The following HMCN1 variants were observed in gnomAD, a reference collection of about 807,000 sequenced individuals.
HMCN1 encodes the protein hemicentin-1.
HMCN1 carries 321 observed loss-of-function variants against 625.9 expected under a neutral mutation model. The ratio of observed to expected loss-of-function variants is 0.51; its 90% CI spans 0.47 to 0.56. HMCN1 has a LOEUF of 0.56. Among genes scored for constraint, HMCN1 ranks in the 20% least tolerant of loss-of-function variants. HMCN1 has a pLI of 0.00. For missense variants in HMCN1, 6,588 were observed against 6,887.3 expected (o/e 0.96, Z 1.54); for synonymous variants, 2,425 against 2,417.6 (o/e 1.00, Z -0.09).
intron 93 of HMCN1, 120 bp downstream of exon 93, chr1:186,146,043 A>G: frequency 9.8e-7 from 1 of 1,024,202 alleles, no homozygotes; most frequent in Non-Finnish European, 1.5e-6. Context: ...AAAAAAAAAA[A>G]GTGCTTTCTT....
chr1:185,913,457 G>A (rs1666536129), intron 6 of HMCN1, among the ~76,000 whole-genome samples: 1 of 152,180 alleles, frequency 6.6e-6, no homozygotes, highest in African/African-American at 2.4e-5. Flanking sequence ...GGAATTAGAA[G>A]AAGTGTCGAG....
chr1:186,096,689 C>A (rs888738455), intron 68 of HMCN1, among the ~76,000 whole-genome samples: 2 of 152,106 alleles, frequency 1.3e-5, no homozygotes, highest in Non-Finnish European at 2.9e-5. Flanking sequence ...TTGAAAAGAT[C>A]ATTCACTCTG....
Position 186,178,710 on chromosome 1 carries a change from G to A in HMCN1, c.16238G>A (p.Arg5413Lys). The change falls in exon 104 of 107, where the codon AGG becomes AAG. Residue 5413 changes from arginine (R) to lysine (K), a missense_variant. Arg to Lys is a conservative substitution (Grantham distance 26). Around this residue, in one of 3 missense-constraint regions of HMCN1, gnomAD observed 1,954 missense variants for 2,013.1 expected, o/e 0.97. Coordinates refer to ENST00000271588, the MANE Select transcript of HMCN1 (RefSeq NM_031935.3). ...NSRTSLSRTR[R>K]TIRKTCPEGS... ...AGAACATCTCTCTCCAGGACTAGAA[G>A]GACTATTAGGAAAACTTGCCCTGAA... The A allele has an allele frequency of 6.2e-7, 1 of 1,614,122 alleles. No individual in the cohort carries two copies. The highest frequency in any genetic ancestry group is 8.5e-7 in the Non-Finnish European group (1 of 1,179,974).
At position 186,070,530 on chromosome 1, in the gene HMCN1, A is replaced by G. The variant is rs1025845590; in HGVS notation, c.7994-82A>G. 14 of 1,214,742 alleles carry G rather than the reference A, an allele frequency of 1.2e-5. No homozygotes were observed. The Admixed American group carries it at 2.3e-4, about 20-fold the overall frequency. The allele number at this position is 1,214,742 out of a possible 1,614,324, so 75.2% of individuals were successfully genotyped here. ...CTGTTATTTCCTTGTTTTCTTGATA[A>G]GTAATCCTCAGTGTGATTTCTGTGG... On this transcript the variant is annotated intron_variant, in intron 51 of 106. Transcript: ENST00000271588.
intron 39 of HMCN1, among the ~76,000 whole-genome samples, chr1:186,040,544 GT>G (rs1278151590): frequency 1.3e-5 from 2 of 152,114 alleles, no homozygotes; most frequent in Non-Finnish European, 2.9e-5. Flanking sequence ...AAGATCCAGA[GT>G]TAATGTCAAT....
rs531989435 is a variant in HMCN1 at position 185,982,347 on chromosome 1, A to G, written c.2748A>G (p.Gly916=). 4 of 1,613,812 alleles carry G rather than the reference A, an allele frequency of 2.5e-6. No individual in the cohort carries two copies. In the African/African-American group the frequency reaches 5.3e-5, roughly 22 times the overall value. ...CTTTGCCCTGTACTCTGTTAGCTGGAAATCCCATTCCAGAACGTCGGTGGA... is the reference window on the plus strand; with the variant it reads ...CTTTGCCCTGTACTCTGTTAGCTGGGAATCCCATTCCAGAACGTCGGTGGA... ...QLTLPCTLLA[G]NPIPERRWIK... Residue 916 remains glycine (G), a synonymous_variant, in exon 18 of 107, where the codon GGA becomes GGG. Coordinates refer to ENST00000271588, the MANE Select transcript of HMCN1 (RefSeq NM_031935.3).
rs376836367 is a variant in HMCN1, at chr1:185,929,466, G to A, written c.1552+799G>A. 1.4e-4 allele frequency among the ~76,000 whole-genome samples: 22 copies of A among 152,186 alleles called. No individual in the cohort carries two copies. In the East Asian group the frequency reaches 4.2e-3, roughly 29 times the overall value. On this transcript the variant is annotated intron_variant, in intron 10 of 106. Coordinates refer to ENST00000271588, the MANE Select transcript of HMCN1 (RefSeq NM_031935.3). ...TGATCAGGATTAAGCCATTTACTCA[G>A]CATTTATCTATAATTGGAAATTTTG... is the stretch of plus-strand genomic sequence containing the variant.
At position 186,158,676 on chromosome 1, in the gene HMCN1, CATTT is replaced by C. The variant is rs567150277; in HGVS notation, c.15256+4693_15256+4696del. Among the ~76,000 whole-genome samples the C allele has an allele frequency of 8.7e-3, 1,327 of 152,264 alleles. 14 individuals carry two copies. The highest frequency in any genetic ancestry group is 0.031 in the African/African-American group (1,271 of 41,534). On this transcript the variant is annotated intron_variant, in intron 97 of 106. Coordinates refer to ENST00000271588, the MANE Select transcript of HMCN1 (RefSeq NM_031935.3). ...TATGGCTAGCCAGTTTTTCCAGCAC[CATTT>C]ATTAAATAGGGAGTCCTTTCCCCAT...
At chr1:186,100,555 T>C (rs1055053687) in intron 68 of HMCN1, among the ~76,000 whole-genome samples, 2 of 152,098 alleles carry the variant, frequency 1.3e-5, no homozygotes, top group Non-Finnish European at 2.9e-5. Flanking sequence ...TTTTATCCTG[T>C]AACAATGAGA....
chr1:185,951,192 A>G (rs1330863664), intron 11 of HMCN1, among the ~76,000 whole-genome samples: 13 of 151,294 alleles, frequency 8.6e-5, no homozygotes, highest in Non-Finnish European at 1.6e-4. Flanking sequence ...TGGATTGGGA[A>G]GAAGGGCGGC....
intron 105 of HMCN1, among the ~76,000 whole-genome samples, chr1:186,183,179 A>G (rs890375018): frequency 3.9e-5 from 6 of 152,226 alleles, no homozygotes; most frequent in Admixed American, 3.9e-4. Context: ...TATAGCAAAT[A>G]AAAGCTCCAA....
intron 67 of HMCN1, 45 bp from the exon 68 acceptor site, chr1:186,095,198 A>G (rs1660064253): frequency 1.3e-6 from 2 of 1,587,954 alleles, no homozygotes; most frequent in Non-Finnish European, 1.7e-6. Context: ...TTGATCTCAA[A>G]TTACAATAGA....
At chr1:186,056,987 C>T (rs1657372655) in intron 45 of HMCN1, among the ~76,000 whole-genome samples, 1 of 151,072 alleles carries the variant, frequency 6.6e-6, no homozygotes, top group Admixed American at 6.6e-5. Context: ...AAATAATTTA[C>T]TGCTAAGATT....
Position 185,742,695 on chromosome 1 carries a change from T to C in HMCN1, c.268+7648T>C, listed in dbSNP as rs115197749. Among the ~76,000 whole-genome samples, 1,259 of 152,320 alleles carry C rather than the reference T, an allele frequency of 8.3e-3. 12 individuals are homozygous for C. Among genetic ancestry groups the C allele is most frequent in the Middle Eastern group, 0.027 (8 of 292 alleles). The stretch of plus-strand genomic sequence containing the variant: ...CATAAGCAAAATGATTGGTCTCTTA[T>C]GTCCAAGAGAAATTCAGCTGAATGC... On this transcript the variant is annotated intron_variant, in intron 1 of 106. Transcript: ENST00000271588.
At chr1:186,031,044 G>T (rs896530660) in intron 36 of HMCN1, among the ~76,000 whole-genome samples, 2 of 151,780 alleles carry the variant, frequency 1.3e-5, no homozygotes, top group African/African-American at 4.8e-5. Context: ...AATGAGTTAC[G>T]AGCAAAATAT....
At chr1:185,772,575 G>A (rs868115063) in intron 1 of HMCN1, among the ~76,000 whole-genome samples, 23 of 152,148 alleles carry the variant, frequency 1.5e-4, no homozygotes, top group East Asian at 7.7e-4. Context: ...GTATTCAGAA[G>A]AAGAAATGTA....
chr1:186,086,559 G>C, intron 58 of HMCN1, 152 bp downstream of exon 58: 1 of 780,890 alleles, frequency 1.3e-6, no homozygotes, highest in South Asian at 1.7e-5. Flanking sequence ...TGGTCATTAA[G>C]GTAAGATTTT....
chr1:186,065,457 A>G (rs764963169), intron 49 of HMCN1, 28 bp downstream of exon 49: 1 of 1,515,354 alleles, frequency 6.6e-7, no homozygotes, highest in Non-Finnish European at 8.8e-7. Flanking sequence ...TTCATATCTT[A>G]AAGAATCTGA....
At position 186,190,043 on chromosome 1, in the gene HMCN1, ATCCCACCATGG is replaced by A. The variant is rs1653625696; in HGVS notation, c.*168_*178del. ...TTGGTACTTCTGAGGTATTTTCATG[ATCCCACCATGG>A]TCATATCTTGAAGTATGGTCTAGAA... is the stretch of plus-strand genomic sequence containing the variant. On this transcript the variant is annotated 3_prime_UTR_variant, in exon 107 of 107. Transcript: ENST00000271588. 5 of 771,906 alleles carry A rather than the reference ATCCCACCATGG, an allele frequency of 6.5e-6. No individual in the cohort carries two copies. The highest frequency in any genetic ancestry group is 1.1e-5 in the Non-Finnish European group (5 of 451,472). 47.8% of individuals were successfully genotyped at this position (771,906 alleles called of 1,614,324 possible). A position where few individuals can be genotyped will look rare whatever the true frequency, so the allele number is the denominator to read the frequency against.
Sources: gnomAD v4.1 joint callset for allele counts (sites outside exome capture counted in the v4.1 genomes callset) on GRCh38, gnomAD v4.1.1 for gene constraint, gnomAD v4.1.1 regional missense constraint, MANE v1.5 for transcripts, NCBI Gene and HGNC (gene_info 2026-07-23, HGNC 2026-07-21) for gene names.